Variants in TMCO6 observed in about 807,000 individuals in gnomAD.
TMCO6 encodes the protein transmembrane and coiled-coil domain-containing protein 6.
Under a neutral mutation model 61.8 loss-of-function variants are expected in TMCO6, and 47 were observed. That is an observed-to-expected ratio of 0.76 (90% CI 0.60 to 0.97). The LOEUF (loss-of-function observed/expected upper bound fraction) is 0.97. Among genes scored for constraint, TMCO6 ranks in the 50% least tolerant of loss-of-function variants. The pLI is 0.00. For synonymous variants in TMCO6, 261 were observed against 254.2 expected (o/e 1.03, Z -0.25); for missense variants, 557 against 601.6 (o/e 0.93, Z 0.78).
At chr5:140,637,382 T>A (rs200320342), upstream of TMCO6, among the ~76,000 whole-genome samples, 1 of 152,220 alleles carries the variant, frequency 6.6e-6, no homozygotes, top group Non-Finnish European at 1.5e-5. Context: ...CTAAAAATTA[T>A]GGGAATTCAG....
At chr5:140,598,081 G>A in the TMCO6 span, among the ~76,000 whole-genome samples, 1 of 152,010 alleles carries the variant, frequency 6.6e-6, no homozygotes, top group African/African-American at 2.4e-5. Flanking sequence ...TCTCCAATGG[G>A]GATTCTCCCT....
At chr5:140,641,586 C>G in intron 2 of TMCO6, 79 bp from the exon 3 acceptor site, 1 of 1,217,608 alleles carries the variant, frequency 8.2e-7, no homozygotes, top group Admixed American at 2.0e-5. Flanking sequence ...GGAAGGCTCA[C>G]AGGTGAAGTG....
intron 7 of TMCO6, 104 bp from the exon 8 acceptor site, chr5:140,643,460 G>C: frequency 3.7e-6 from 4 of 1,082,990 alleles, no homozygotes; most frequent in Non-Finnish European, 5.7e-6. Context: ...GCCTCCCAAA[G>C]TGCTGGGATT....
the TMCO6 span, among the ~76,000 whole-genome samples, chr5:140,629,689 T>C: frequency 6.6e-6 from 1 of 152,108 alleles, no homozygotes; most frequent in Non-Finnish European, 1.5e-5. Flanking sequence ...ATCCCAGCAC[T>C]TTGGGAGCCC....
upstream of TMCO6, among the ~76,000 whole-genome samples, chr5:140,635,991 G>T (rs1561937739): frequency 6.6e-6 from 1 of 152,086 alleles, no homozygotes; most frequent in Non-Finnish European, 1.5e-5. Flanking sequence ...TGTGGGTTTT[G>T]TTGTTGTTGT....
the TMCO6 span, among the ~76,000 whole-genome samples, chr5:140,597,687 T>C: frequency 6.6e-6 from 1 of 152,220 alleles, no homozygotes; most frequent in Admixed American, 6.5e-5. Flanking sequence ...GCAACAATAG[T>C]AGTTTAACAA....
chr5:140,601,994 C>T, the TMCO6 span, among the ~76,000 whole-genome samples: 1 of 152,164 alleles, frequency 6.6e-6, no homozygotes, highest in East Asian at 1.9e-4. Flanking sequence ...CATGCTGTTC[C>T]CCCAAGAAAT....
chr5:140,639,636 G>A, intron 1 of TMCO6, 24 bp downstream of exon 1: 1 of 1,539,502 alleles, frequency 6.5e-7, no homozygotes, highest in South Asian at 1.2e-5. Context: ...AGGGAGCGCG[G>A]GGGTATATGG....
downstream of TMCO6, chr5:140,647,687 G>C (rs1036761169): frequency 4.8e-6 from 7 of 1,465,682 alleles, no homozygotes; most frequent in African/African-American, 9.8e-5. Flanking sequence ...ATGAGGCAGG[G>C]GCGGGGTAAA....
chr5:140,623,228 C>T, the TMCO6 span, among the ~76,000 whole-genome samples: 1 of 152,220 alleles, frequency 6.6e-6, no homozygotes, highest in East Asian at 1.9e-4. Context: ...CTTTCCCAGG[C>T]ATTGTGAAGA....
chr5:140,605,542 T>C, the TMCO6 span, among the ~76,000 whole-genome samples: 1 of 152,042 alleles, frequency 6.6e-6, no homozygotes, highest in African/African-American at 2.4e-5. Context: ...TAGCTGGGCA[T>C]GGTGGTGGGT....
At chr5:140,621,816 T>C in the TMCO6 span, among the ~76,000 whole-genome samples, 10 of 152,182 alleles carry the variant, frequency 6.6e-5, no homozygotes, top group East Asian at 1.9e-4. Flanking sequence ...CCATCTCTTA[T>C]GGTTGAGGCT....
chr5:140,642,599 C>A lies in TMCO6; in HGVS notation c.617C>A (p.Ala206Asp). The change falls in exon 6 of 12, where the codon GCT (alanine) becomes GAT (aspartate). Residue 206 changes from alanine to aspartate, a missense_variant. Transcript: ENST00000394671. ...LAACIQSPHV[A>D]VLEALGYALS... ...GTCTACTTCCAGTCCCCCCATGTGG[C>A]TGTGCTGGAAGCTCTCGGATATGCC... 1 of 1,614,236 alleles carries A rather than the reference C, an allele frequency of 6.2e-7. No individual in the cohort carries two copies. The highest frequency in any genetic ancestry group is 8.5e-7 in the Non-Finnish European group (1 of 1,180,030).
chr5:140,606,665 G>A, the TMCO6 span, among the ~76,000 whole-genome samples: 513 of 152,216 alleles, frequency 3.4e-3, 3 homozygotes, highest in Middle Eastern at 0.014. Flanking sequence ...GGTGGCTCAC[G>A]CCTGTAATCC....
chr5:140,633,104 G>A, the TMCO6 span: 1 of 1,613,800 alleles, frequency 6.2e-7, no homozygotes, highest in Non-Finnish European at 8.5e-7. Context: ...CTGAGCTCCG[G>A]ACAGGCTCTG....
At chr5:140,625,051 A>C in the TMCO6 span, among the ~76,000 whole-genome samples, 2 of 150,836 alleles carry the variant, frequency 1.3e-5, no homozygotes, top group Non-Finnish European at 3.0e-5. Context: ...ACGGGGTTTC[A>C]CCGTCTTGGC....
chr5:140,615,914 C>T, the TMCO6 span, among the ~76,000 whole-genome samples: 8 of 152,166 alleles, frequency 5.3e-5, 1 homozygote, highest in South Asian at 8.3e-4. Context: ...AGATGGATCA[C>T]GAGGTCAGGA....
chr5:140,617,745 A>G, the TMCO6 span, among the ~76,000 whole-genome samples: 108 of 150,182 alleles, frequency 7.2e-4, no homozygotes, highest in Middle Eastern at 6.9e-3. Context: ...AAAAAAAAAA[A>G]AAACTCAAGG....
chr5:140,617,720 T>C, the TMCO6 span, among the ~76,000 whole-genome samples: 2 of 110,198 alleles, frequency 1.8e-5, no homozygotes, highest in South Asian at 3.5e-4. Context: ...GGCAACAGAG[T>C]GAGTCTCTGT....
Sources: allele counts gnomAD v4.1 joint callset (sites outside exome capture counted in the v4.1 genomes callset), GRCh38; gene constraint gnomAD v4.1.1; transcripts MANE v1.5; gene names NCBI Gene and HGNC (gene_info 2026-07-23, HGNC 2026-07-21).